Variants in ASAP1 observed in about 807,000 individuals in gnomAD.
The protein encoded by ASAP1 is ArfGAP with SH3 domain, ankyrin repeat and PH domain 1.
In ASAP1, 43 loss-of-function variants were observed where a neutral mutation model predicts 145.2. The ratio of observed to expected loss-of-function variants is 0.30; its 90% CI spans 0.23 to 0.38. The LOEUF is 0.38. ASAP1 is among the 10% of genes least tolerant of loss of function. The pLI is 1.00. For synonymous variants in ASAP1, 546 were observed against 515.5 expected (o/e 1.06, Z -0.80); for missense variants, 1,018 against 1,355.3 (o/e 0.75, Z 3.91).
chr8:130,271,398 T>C (rs1820578881), intron 3 of ASAP1, among the ~76,000 whole-genome samples: 1 of 152,190 alleles, frequency 6.6e-6, no homozygotes, highest in African/African-American at 2.4e-5. Context: ...TCCAAGGAAT[T>C]TGTTTTTCTT....
At position 130,288,843 on chromosome 8, in the gene ASAP1, G is replaced by C. The variant is rs539022492; in HGVS notation, c.187-51849C>G. Reference sequence around the variant, plus strand: ...ATGTCCAATGATGGGAGATGGTTAAGCAAATTATGATAAATTCACAGAATG... The same window carrying C: ...ATGTCCAATGATGGGAGATGGTTAACCAAATTATGATAAATTCACAGAATG... On this transcript the variant is annotated intron_variant, in intron 3 of 29. Coordinates refer to ENST00000518721, the MANE Select transcript of ASAP1 (RefSeq NM_018482.4). Among the ~76,000 whole-genome samples the C allele has an allele frequency of 2.0e-5, 3 of 152,358 alleles. No individual in the cohort carries two copies. In the South Asian group the frequency reaches 6.2e-4, roughly 32 times the overall value.
chr8:130,340,007 C>T (rs1455902111), intron 3 of ASAP1, among the ~76,000 whole-genome samples: 3 of 152,200 alleles, frequency 2.0e-5, no homozygotes, highest in Non-Finnish European at 4.4e-5. Flanking sequence ...CGTGTGTGTA[C>T]ATTTGTTCAT....
chr8:130,323,974 T>TGTTATCACTC (rs1402335222), intron 3 of ASAP1, among the ~76,000 whole-genome samples: 2 of 152,212 alleles, frequency 1.3e-5, no homozygotes, highest in Non-Finnish European at 2.9e-5. Context: ...TGCCAGGGCT[T>TGTTATCACTC]CCTAACAATA....
chr8:130,075,993 T>C (rs1212667458), intron 27 of ASAP1, among the ~76,000 whole-genome samples: 2 of 152,222 alleles, frequency 1.3e-5, no homozygotes, highest in African/African-American at 4.8e-5. Flanking sequence ...GTGAAGCTAC[T>C]ACGTCACCTG....
At chr8:130,412,312 T>C (rs1829301365) in intron 1 of ASAP1, among the ~76,000 whole-genome samples, 1 of 152,164 alleles carries the variant, frequency 6.6e-6, no homozygotes, top group Non-Finnish European at 1.5e-5. Context: ...TCATTAATGA[T>C]TAGCCACCAT....
At chr8:130,330,804 A>G (rs953998994) in intron 3 of ASAP1, among the ~76,000 whole-genome samples, 1 of 152,174 alleles carries the variant, frequency 6.6e-6, no homozygotes, top group Non-Finnish European at 1.5e-5. Context: ...TTTACATATA[A>G]TCATTCTTAA....
Position 130,256,738 on chromosome 8 carries a change from CTTATATATATAT to C in ASAP1, c.187-19756_187-19745del, listed in dbSNP as rs1328744717. 6.5e-3 allele frequency among the ~76,000 whole-genome samples: 461 copies of C among 70,814 alleles called. 16 individuals are homozygous for C. The highest frequency in any genetic ancestry group is 9.5e-3 in the African/African-American group (145 of 15,252). 46.5% of individuals were successfully genotyped at this position (70,814 alleles called of 152,430 possible). ...AATCTTCTTCCTGAATATACACATTCTTATATATATATATATATATATATATATATATATATA... is the reference window on the plus strand; with the variant it reads ...AATCTTCTTCCTGAATATACACATTCATATATATATATATATATATATATA... On this transcript the variant is annotated intron_variant, in intron 3 of 29. Coordinates refer to ENST00000518721, the MANE Select transcript of ASAP1 (RefSeq NM_018482.4).
chr8:130,268,627 A>G (rs1370555745), intron 3 of ASAP1, among the ~76,000 whole-genome samples: 2 of 152,156 alleles, frequency 1.3e-5, no homozygotes, highest in Non-Finnish European at 1.5e-5. Context: ...AACGGTTAAA[A>G]CAATGTATAC....
intron 3 of ASAP1, among the ~76,000 whole-genome samples, chr8:130,309,532 G>A (rs541606982): frequency 2.0e-5 from 3 of 152,328 alleles, no homozygotes; most frequent in South Asian, 2.1e-4. Context: ...GATGAGGCAA[G>A]ATAAGCAGTG....
intron 13 of ASAP1, among the ~76,000 whole-genome samples, chr8:130,139,751 A>T (rs2097605107): frequency 6.8e-6 from 1 of 147,690 alleles, no homozygotes; most frequent in African/African-American, 2.5e-5. Context: ...AAACAAACAA[A>T]CAAAAAACAA....
At chr8:130,297,171 T>C (rs1822334846) in intron 3 of ASAP1, among the ~76,000 whole-genome samples, 2 of 152,212 alleles carry the variant, frequency 1.3e-5, no homozygotes, top group Non-Finnish European at 2.9e-5. Flanking sequence ...TGCACTGGTT[T>C]TTAAAAAATA....
intron 2 of ASAP1, among the ~76,000 whole-genome samples, chr8:130,398,442 A>C (rs1385342631): frequency 6.6e-6 from 1 of 152,240 alleles, no homozygotes; most frequent in Non-Finnish European, 1.5e-5. Context: ...AAGTAGAAGT[A>C]GTCACAACAG....
chr8:130,103,940 C>T (rs1218588544), intron 24 of ASAP1, among the ~76,000 whole-genome samples: 2 of 152,210 alleles, frequency 1.3e-5, no homozygotes, highest in Middle Eastern at 3.2e-3. Context: ...GTAACTTCAT[C>T]CAGAATCCTT....
chr8:130,072,825 G>GTGCGCGTGTGCGCGCGCGCGCGCA lies in ASAP1; in HGVS notation c.2701+3522_2701+3523insTGCGCGCGCGCGCGCACACGCGCA. Among the ~76,000 whole-genome samples, 43 of 54,114 alleles carry GTGCGCGTGTGCGCGCGCGCGCGCA rather than the reference G, an allele frequency of 7.9e-4. 1 individual carries two copies. The highest frequency in any genetic ancestry group is 4.3e-3 in the Admixed American group (25 of 5,780). The allele number at this position is 54,114 out of a possible 152,430, so 35.5% of individuals were successfully genotyped here. A position where few individuals can be genotyped will look rare whatever the true frequency, so the allele number is the denominator to read the frequency against. On this transcript the variant is annotated intron_variant, in intron 27 of 29. Coordinates refer to ENST00000518721, the MANE Select transcript of ASAP1 (RefSeq NM_018482.4). ...TGTGTGTGTGTGTGTGTGTGTGTGT[G>GTGCGCGTGTGCGCGCGCGCGCGCA]CGCGCGGGGGGGGGCAGTTTTGGGG...
At chr8:130,111,946 C>T in intron 24 of ASAP1, 148 bp downstream of exon 24, 2 of 725,714 alleles carry the variant, frequency 2.8e-6, no homozygotes, top group Admixed American at 5.2e-5. Context: ...GGCATGGTCC[C>T]TATTTCAAGC....
chr8:130,167,968 G>C (rs1394376426), intron 10 of ASAP1, among the ~76,000 whole-genome samples: 2 of 152,132 alleles, frequency 1.3e-5, no homozygotes, highest in Non-Finnish European at 2.9e-5. Flanking sequence ...AATGGTCCAG[G>C]AGAGAATCCT....
intron 3 of ASAP1, among the ~76,000 whole-genome samples, chr8:130,250,445 G>A (rs963595244): frequency 1.1e-4 from 16 of 152,106 alleles, no homozygotes; most frequent in African/African-American, 3.6e-4. Flanking sequence ...CAAGTATGGC[G>A]CATGCTAAGC....
At chr8:130,379,770 C>A (rs1333390122) in intron 2 of ASAP1, among the ~76,000 whole-genome samples, 1 of 152,224 alleles carries the variant, frequency 6.6e-6, no homozygotes, top group Non-Finnish European at 1.5e-5. Context: ...CCGGGCCCTA[C>A]TGCCACAGTG....
intron 24 of ASAP1, among the ~76,000 whole-genome samples, chr8:130,093,352 C>T (rs1174843777): frequency 6.6e-6 from 1 of 152,090 alleles, no homozygotes; most frequent in African/African-American, 2.4e-5. Flanking sequence ...TCATGGCAAA[C>T]TGCTTCTGTA....
Sources: gnomAD v4.1 joint callset for allele counts (sites outside exome capture counted in the v4.1 genomes callset) on GRCh38, gnomAD v4.1.1 for gene constraint, MANE v1.5 for transcripts, NCBI Gene and HGNC (gene_info 2026-07-23, HGNC 2026-07-21) for gene names.